Variants in ACYP2 observed in about 807,000 individuals in gnomAD.
The protein encoded by ACYP2 is acylphosphatase-2.
A neutral mutation model predicts 11.2 loss-of-function variants in ACYP2; 12 were observed. The ratio of observed to expected loss-of-function variants is 1.08; its 90% CI spans 0.69 to 1.74. The LOEUF is 1.74. Among genes scored for constraint, ACYP2 ranks in the 40% most tolerant of loss-of-function variants. The pLI, the probability that ACYP2 is intolerant of heterozygous loss-of-function variation, is 0.00. For synonymous variants in ACYP2, 43 were observed against 32.2 expected, an observed-to-expected ratio of 1.33 and a Z score of -1.13; for missense variants, 134 against 101.9, an observed-to-expected ratio of 1.31 and a Z score of -1.35.
At chr2:54,131,535 C>A (rs1357637219) in intron 4 of ACYP2, among the ~76,000 whole-genome samples, 1 of 152,104 alleles carries the variant, frequency 6.6e-6, no homozygotes, top group Non-Finnish European at 1.5e-5. Context: ...ATGTCAGGTC[C>A]CTTTAGGGTG....
chr2:54,238,368 G>C (rs931257237), intron 6 of ACYP2, among the ~76,000 whole-genome samples: 2 of 152,102 alleles, frequency 1.3e-5, no homozygotes, highest in Non-Finnish European at 2.9e-5. Context: ...GCCTGGATTA[G>C]AGTAAATGTT....
intron 4 of ACYP2, among the ~76,000 whole-genome samples, chr2:54,065,055 G>C (rs2103638055): frequency 6.6e-6 from 1 of 152,010 alleles, no homozygotes; most frequent in African/African-American, 2.4e-5. Context: ...CTGCACTCCA[G>C]CCTGGGTGAC....
chr2:54,086,660 T>C (rs770964025), intron 4 of ACYP2, among the ~76,000 whole-genome samples: 19 of 152,208 alleles, frequency 1.2e-4, no homozygotes, highest in Non-Finnish European at 2.2e-4. Flanking sequence ...GAGTTTCCAA[T>C]GGGAAAGACA....
chr2:54,169,216 G>T (rs918404173), intron 6 of ACYP2, among the ~76,000 whole-genome samples: 2 of 152,152 alleles, frequency 1.3e-5, no homozygotes, highest in Non-Finnish European at 2.9e-5. Flanking sequence ...TAATTAGCAT[G>T]TGTGGTGCCA....
chr2:54,173,966 G>A (rs1166207408), intron 6 of ACYP2, among the ~76,000 whole-genome samples: 1 of 152,176 alleles, frequency 6.6e-6, no homozygotes, highest in Non-Finnish European at 1.5e-5. Context: ...CAGGTAGTGT[G>A]ATGCCTCCAG....
At chr2:53,987,453 G>A (rs937034463) in intron 2 of ACYP2, among the ~76,000 whole-genome samples, 1 of 152,160 alleles carries the variant, frequency 6.6e-6, no homozygotes, top group Non-Finnish European at 1.5e-5. Context: ...TTCATCTACA[G>A]GTTTTTGTGT....
chr2:53,998,288 C>G (rs1672663410), intron 2 of ACYP2, among the ~76,000 whole-genome samples: 1 of 151,954 alleles, frequency 6.6e-6, no homozygotes. Context: ...TGGAGGTAGC[C>G]GATACAGACT....
chr2:54,232,523 GAGC>G (rs1478097899), intron 6 of ACYP2, among the ~76,000 whole-genome samples: 1 of 152,182 alleles, frequency 6.6e-6, no homozygotes, highest in Non-Finnish European at 1.5e-5. Flanking sequence ...GGGCATCATG[GAGC>G]AGGAGGTGAA....
At chr2:54,217,749 G>C (rs1206440192) in intron 6 of ACYP2, among the ~76,000 whole-genome samples, 1 of 151,940 alleles carries the variant, frequency 6.6e-6, no homozygotes. Flanking sequence ...AAGATCATGG[G>C]TTAAAAAAAA....
intron 4 of ACYP2, among the ~76,000 whole-genome samples, chr2:54,134,826 G>A (rs374208560): frequency 6.6e-5 from 10 of 152,116 alleles, no homozygotes; most frequent in Admixed American, 1.3e-4. Flanking sequence ...TAGAACCCTC[G>A]ATATGCTAAG....
At chr2:54,194,396 G>C (rs940317389) in intron 6 of ACYP2, among the ~76,000 whole-genome samples, 1 of 152,002 alleles carries the variant, frequency 6.6e-6, no homozygotes, top group African/African-American at 2.4e-5. Flanking sequence ...AATTCTACAG[G>C]AAGTAAAACA....
intron 6 of ACYP2, chr2:54,255,447 T>C: frequency 6.2e-7 from 1 of 1,614,040 alleles, no homozygotes; most frequent in Non-Finnish European, 8.5e-7. Flanking sequence ...CCAGGTAGTA[T>C]TCATGAATCT....
At chr2:53,974,220 A>G (rs1671350801) in intron 2 of ACYP2, among the ~76,000 whole-genome samples, 1 of 152,046 alleles carries the variant, frequency 6.6e-6, no homozygotes. Context: ...GGCCATATTT[A>G]GATATATTTA....
chr2:54,148,531 G>T (rs1217748658), intron 6 of ACYP2, among the ~76,000 whole-genome samples: 1 of 152,096 alleles, frequency 6.6e-6, no homozygotes, highest in Non-Finnish European at 1.5e-5. Flanking sequence ...TTGTCTCGTG[G>T]CAGTTGGAAT....
chr2:54,227,204 G>A (rs182506786), intron 6 of ACYP2, among the ~76,000 whole-genome samples: 12 of 152,290 alleles, frequency 7.9e-5, no homozygotes, highest in African/African-American at 2.9e-4. Flanking sequence ...CAAAGAGTGA[G>A]TAATAAGTTT....
chr2:54,281,933 AAC>A (rs1435054159), intron 6 of ACYP2, among the ~76,000 whole-genome samples: 2 of 152,252 alleles, frequency 1.3e-5, no homozygotes, highest in African/African-American at 2.4e-5. Flanking sequence ...AGAAGCAAGC[AAC>A]ACAGTTAGCA....
At position 54,168,806 on chromosome 2, in the gene ACYP2, C is replaced by T. The variant is rs957765734; in HGVS notation, c.404+30058C>T. On this transcript the variant is annotated intron_variant, in intron 6 of 6. Transcript: ENST00000607452. Reference sequence around the variant, plus strand: ...TGTAGAGGGTGTATTATAGATAACACATTAATTGTAATTGTATTAGAAATA... The same window carrying T: ...TGTAGAGGGTGTATTATAGATAACATATTAATTGTAATTGTATTAGAAATA... 1.9e-4 allele frequency among the ~76,000 whole-genome samples: 29 copies of T among 152,158 alleles called. 1 individual carries two copies. The highest frequency in any genetic ancestry group is 6.6e-5 in the Admixed American group (1 of 15,260).
intron 4 of ACYP2, among the ~76,000 whole-genome samples, chr2:54,095,642 C>G (rs1365946673): frequency 6.9e-6 from 1 of 144,278 alleles, no homozygotes; most frequent in Admixed American, 6.8e-5. Context: ...CCAGATGGGG[C>G]GGCTGGCCGC....
intron 4 of ACYP2, among the ~76,000 whole-genome samples, chr2:54,088,207 G>T (rs1019903203): frequency 6.6e-6 from 1 of 152,200 alleles, no homozygotes. Flanking sequence ...GAGAGTGTTA[G>T]GGCAAAGTAA....
Sources: gnomAD v4.1 joint callset for allele counts (sites outside exome capture counted in the v4.1 genomes callset) on GRCh38, gnomAD v4.1.1 for gene constraint, MANE v1.5 for transcripts, NCBI Gene and HGNC (gene_info 2026-07-23, HGNC 2026-07-21) for gene names.